Variants in DDAH1 observed in about 807,000 individuals in gnomAD.
DDAH1 encodes N(G),N(G)-dimethylarginine dimethylaminohydrolase 1.
In DDAH1, 19 loss-of-function variants were observed where a neutral mutation model predicts 28.8. The observed-to-expected ratio is 0.66, with a 90% CI of 0.46 to 0.97. The LOEUF (loss-of-function observed/expected upper bound fraction) is 0.97, where lower values mean the gene tolerates loss of function less well. DDAH1 is among the 50% of genes least tolerant of loss of function. The probability of loss-of-function intolerance (pLI) is 0.00; values close to 1 mark genes in which losing one functional copy is unlikely to be tolerated. For missense variants in DDAH1, 326 were observed against 375.9 expected (o/e 0.87, Z 1.10); for synonymous variants, 153 against 154.4 (o/e 0.99, Z 0.07).
intron 2 of DDAH1, among the ~76,000 whole-genome samples, chr1:85,473,613 A>C (rs1655695043): frequency 6.6e-6 from 1 of 151,880 alleles, no homozygotes; most frequent in African/African-American, 2.4e-5. Flanking sequence ...GAATCACTGT[A>C]TTTGCTTTTG....
At chr1:85,550,863 C>A (rs1366117343) in intron 1 of DDAH1, among the ~76,000 whole-genome samples, 10 of 152,320 alleles carry the variant, frequency 6.6e-5, no homozygotes, top group Admixed American at 3.3e-4. Context: ...AAAGCAGCAA[C>A]AACTTGCTAG....
At chr1:85,374,106 G>A (rs1003665509) in intron 1 of DDAH1, among the ~76,000 whole-genome samples, 1 of 152,078 alleles carries the variant, frequency 6.6e-6, no homozygotes, top group Non-Finnish European at 1.5e-5. Context: ...ATACTAACGT[G>A]ACTCTAGATA....
intron 1 of DDAH1, chr1:85,376,870 C>T (rs1250238236): frequency 6.6e-6 from 1 of 150,522 alleles, no homozygotes; most frequent in Non-Finnish European, 1.5e-5. Flanking sequence ...TGATTCAACA[C>T]AAATAAGTAA....
chr1:85,489,158 A>G (rs937283215), intron 2 of DDAH1, among the ~76,000 whole-genome samples: 8 of 152,214 alleles, frequency 5.3e-5, no homozygotes, highest in Non-Finnish European at 1.2e-4. Context: ...GAATAAAGTT[A>G]AAATGGTTAT....
intron 1 of DDAH1, among the ~76,000 whole-genome samples, chr1:85,403,286 T>C (rs1652243071): frequency 6.6e-6 from 1 of 151,844 alleles, no homozygotes; most frequent in Admixed American, 6.6e-5. Context: ...TATACATATA[T>C]GTGTATGTAT....
chr1:85,500,144 TTCTTTTCTTTCTTTCTTTC>T (rs1290280364), intron 1 of DDAH1, among the ~76,000 whole-genome samples: 267 of 57,694 alleles, frequency 4.6e-3, no homozygotes, highest in Middle Eastern at 0.023. Context: ...CTTTCTTTCT[TTCTTTTCTTTCTTTCTTTC>T]TCTTTTTTCC....
intron 1 of DDAH1, among the ~76,000 whole-genome samples, chr1:85,510,779 C>T (rs1426134245): frequency 1.3e-5 from 2 of 152,168 alleles, no homozygotes; most frequent in African/African-American, 2.4e-5. Flanking sequence ...GTAAAGGGAT[C>T]AATTCCACAA....
At chr1:85,511,832 G>C (rs1415118576) in intron 1 of DDAH1, among the ~76,000 whole-genome samples, 8 of 152,116 alleles carry the variant, frequency 5.3e-5, no homozygotes, top group African/African-American at 1.9e-4. Flanking sequence ...ACCAATAACA[G>C]GTTCTGAAAT....
chr1:85,513,607 C>A (rs1657329946), intron 1 of DDAH1, among the ~76,000 whole-genome samples: 1 of 151,770 alleles, frequency 6.6e-6, no homozygotes, highest in Admixed American at 6.6e-5. Flanking sequence ...AGTCATCTGA[C>A]AAAGGGCTAA....
rs530134548 is a variant in DDAH1 at position 85,449,231 on chromosome 1, T to A, written c.303+15512A>T. Among the ~76,000 whole-genome samples, 7 of 152,214 alleles carry A rather than the reference T, an allele frequency of 4.6e-5. No individual in the cohort carries two copies. The South Asian group carries it at 1.5e-3, about 32-fold the overall frequency. On this transcript the variant is annotated intron_variant, in intron 1 of 5. Transcript: ENST00000284031. ...AGGGCACAGGCCAGCATAAGGCAGGTTGGTGTCTGGCCCAATGCAGACATA... is the reference window on the plus strand; with the variant it reads ...AGGGCACAGGCCAGCATAAGGCAGGATGGTGTCTGGCCCAATGCAGACATA...
intron 1 of DDAH1, among the ~76,000 whole-genome samples, chr1:85,373,423 C>T (rs574289119): frequency 6.6e-6 from 1 of 152,178 alleles, no homozygotes; most frequent in South Asian, 2.1e-4. Context: ...TATCTCCAAG[C>T]ATTGAGGGAG....
intron 4 of DDAH1, among the ~76,000 whole-genome samples, chr1:85,330,812 G>A (rs1317197322): frequency 6.6e-6 from 1 of 152,164 alleles, no homozygotes; most frequent in African/African-American, 2.4e-5. Flanking sequence ...CGCCCCCTTC[G>A]GGCTCAGCAC....
At chr1:85,556,454 C>A (rs1458078477) in intron 1 of DDAH1, among the ~76,000 whole-genome samples, 1 of 152,192 alleles carries the variant, frequency 6.6e-6, no homozygotes, top group Non-Finnish European at 1.5e-5. Flanking sequence ...GTACGAAGGA[C>A]ACGTCATCTG....
chr1:85,337,423 T>G (rs1648204061), intron 4 of DDAH1, among the ~76,000 whole-genome samples: 1 of 152,230 alleles, frequency 6.6e-6, no homozygotes, highest in Non-Finnish European at 1.5e-5. Flanking sequence ...AACTGTAATT[T>G]TATTGTAAGG....
chr1:85,332,378 A>C (rs184009997), intron 4 of DDAH1, among the ~76,000 whole-genome samples: 22 of 152,288 alleles, frequency 1.4e-4, no homozygotes, highest in African/African-American at 5.3e-4. Context: ...TGTTTCCCAG[A>C]GCATGAAACC....
At chr1:85,409,370 A>G (rs1442504549) in intron 1 of DDAH1, among the ~76,000 whole-genome samples, 26 of 152,214 alleles carry the variant, frequency 1.7e-4, no homozygotes. Flanking sequence ...AGATCTGATC[A>G]TGTCACTGCC....
chr1:85,572,228 CTTGT>C (rs1659481139), intron 1 of DDAH1, among the ~76,000 whole-genome samples: 1 of 152,118 alleles, frequency 6.6e-6, no homozygotes, highest in African/African-American at 2.4e-5. Context: ...CATTGTTTAA[CTTGT>C]TTATTATCAG....
chr1:85,472,416 G>C (rs1239372736), intron 2 of DDAH1, among the ~76,000 whole-genome samples: 1 of 152,138 alleles, frequency 6.6e-6, no homozygotes, highest in Non-Finnish European at 1.5e-5. Flanking sequence ...CATTCTGAAG[G>C]CTCCCATGTG....
chr1:85,383,915 T>C (rs1395033729), intron 1 of DDAH1, among the ~76,000 whole-genome samples: 1 of 152,224 alleles, frequency 6.6e-6, no homozygotes, highest in African/African-American at 2.4e-5. Context: ...AATGTAAACA[T>C]AACTTTTATA....
Sources: gnomAD v4.1 joint callset for allele counts (sites outside exome capture counted in the v4.1 genomes callset) on GRCh38, gnomAD v4.1.1 for gene constraint, MANE v1.5 for transcripts, NCBI Gene and HGNC (gene_info 2026-07-23, HGNC 2026-07-21) for gene names.